Variants in NDST4 observed in about 807,000 individuals in gnomAD.
NDST4 encodes the protein N-heparan sulfate sulfotransferase 4.
Under a neutral mutation model 100.8 loss-of-function variants are expected in NDST4, and 63 were observed. The ratio of observed to expected loss-of-function variants is 0.62; its 90% CI spans 0.51 to 0.77. NDST4 has a LOEUF of 0.77. NDST4 is among the 30% of genes least tolerant of loss of function. The probability of loss-of-function intolerance (pLI) is 0.00; values close to 1 mark genes in which losing one functional copy is unlikely to be tolerated. For missense variants in NDST4, 943 were observed against 1,018.4 expected, an observed-to-expected ratio of 0.93 and a Z score of 1.01; for synonymous variants, 377 against 361.8, an observed-to-expected ratio of 1.04 and a Z score of -0.48.
intron 2 of NDST4, among the ~76,000 whole-genome samples, chr4:115,047,102 T>G (rs558558748): frequency 1.8e-4 from 28 of 152,134 alleles, no homozygotes; most frequent in Non-Finnish European, 3.7e-4. Flanking sequence ...AAATACGATT[T>G]TGTTTCAGAT....
chr4:115,108,236 G>A (rs927525821), intron 1 of NDST4, among the ~76,000 whole-genome samples: 1 of 151,964 alleles, frequency 6.6e-6, no homozygotes, highest in African/African-American at 2.4e-5. Context: ...AATCTTTAGT[G>A]ATGTTATATT....
intron 2 of NDST4, among the ~76,000 whole-genome samples, chr4:115,035,227 T>C (rs2126271692): frequency 1.3e-5 from 2 of 152,276 alleles, no homozygotes; most frequent in South Asian, 4.1e-4. Flanking sequence ...GACTTATGCA[T>C]TTCCGGTAGA....
intron 2 of NDST4, among the ~76,000 whole-genome samples, chr4:115,030,881 T>C (rs149967157): frequency 2.0e-4 from 30 of 152,194 alleles, no homozygotes; most frequent in Middle Eastern, 3.4e-3. Context: ...AATCTAGAAA[T>C]GGTAGTTAAT....
intron 2 of NDST4, among the ~76,000 whole-genome samples, chr4:115,037,272 T>C (rs1728253007): frequency 6.6e-6 from 1 of 152,028 alleles, no homozygotes; most frequent in Non-Finnish European, 1.5e-5. Context: ...GCAAGACAAG[T>C]CAAGGTAAAT....
At chr4:114,878,891 G>A (rs371303819) in intron 6 of NDST4, among the ~76,000 whole-genome samples, 15 of 151,798 alleles carry the variant, frequency 9.9e-5, no homozygotes, top group East Asian at 1.9e-4. Flanking sequence ...CTCTGCTATC[G>A]TCTGTATATA....
At chr4:115,084,303 G>C (rs1729365260) in intron 1 of NDST4, among the ~76,000 whole-genome samples, 1 of 152,144 alleles carries the variant, frequency 6.6e-6, no homozygotes, top group South Asian at 2.1e-4. Context: ...TTTCTAAGTG[G>C]CAAAGCATTC....
At chr4:115,078,474 T>A (rs979784355) in intron 1 of NDST4, among the ~76,000 whole-genome samples, 3 of 152,156 alleles carry the variant, frequency 2.0e-5, no homozygotes, top group Admixed American at 2.0e-4. Context: ...GAAAAGGTCA[T>A]TTTTTGTTAT....
At chr4:114,868,816 C>T (rs1187537829) in intron 7 of NDST4, among the ~76,000 whole-genome samples, 1 of 151,404 alleles carries the variant, frequency 6.6e-6, no homozygotes, top group African/African-American at 2.4e-5. Context: ...CTTATATAAA[C>T]AACAGCAATG....
At chr4:114,940,365 A>G (rs1299030803) in intron 4 of NDST4, among the ~76,000 whole-genome samples, 1 of 152,220 alleles carries the variant, frequency 6.6e-6, no homozygotes, top group African/African-American at 2.4e-5. Flanking sequence ...AATAAAATGT[A>G]TTTAGCACTA....
intron 2 of NDST4, among the ~76,000 whole-genome samples, chr4:115,065,638 TCTC>T (rs992833686): frequency 6.6e-6 from 1 of 152,010 alleles, no homozygotes; most frequent in Non-Finnish European, 1.5e-5. Flanking sequence ...ATTTAGTTGG[TCTC>T]CTCAAAACAA....
chr4:115,049,929 A>G (rs1728548628), intron 2 of NDST4, among the ~76,000 whole-genome samples: 1 of 152,138 alleles, frequency 6.6e-6, no homozygotes, highest in Non-Finnish European at 1.5e-5. Context: ...TTAGTTCATT[A>G]CCCTCCTTTT....
intron 7 of NDST4, among the ~76,000 whole-genome samples, chr4:114,868,941 A>G (rs937460964): frequency 4.9e-5 from 2 of 41,124 alleles, no homozygotes; most frequent in African/African-American, 1.7e-4. Context: ...CAGCACTTGC[A>G]AATTATATAT....
At chr4:114,933,855 A>G (rs1415166144) in intron 6 of NDST4, among the ~76,000 whole-genome samples, 1 of 152,226 alleles carries the variant, frequency 6.6e-6, no homozygotes, top group Non-Finnish European at 1.5e-5. Flanking sequence ...ATGAAAGATA[A>G]CAAAGTTGGC....
At chr4:115,051,079 T>A (rs523325) in intron 2 of NDST4, among the ~76,000 whole-genome samples, 28,071 of 151,954 alleles carry the variant, frequency 0.18, 3,164 homozygotes, top group East Asian at 0.45. Flanking sequence ...AAGATTTTAG[T>A]GAACTAGAAA....
rs750839318 is a variant in NDST4, at chr4:114,870,860, A to G, written c.1627T>C (p.Trp543Arg). Residue 543 changes from tryptophan (W) to arginine (R), a missense_variant, in exon 7 of 14, where the codon TGG becomes CGG. This residue lies in a region of NDST4 where 526 missense variants were observed against 634.1 expected (regional missense o/e 0.83). Coordinates refer to ENST00000264363, the MANE Select transcript of NDST4 (RefSeq NM_022569.3). ...AGAGTTTGCAATTTCAGGTTGGTCC[A>G]GCTCTGCACAAAGTTGACCAAGTTC... ...FVNLVNFVQS[W>R]TNLKLQTLPP... 1 of 1,613,164 alleles carries G rather than the reference A, an allele frequency of 6.2e-7. No individual in the cohort carries two copies. Among genetic ancestry groups the G allele is most frequent in the East Asian group, 2.2e-5 (1 of 44,862 alleles).
intron 6 of NDST4, among the ~76,000 whole-genome samples, chr4:114,907,417 TA>T (rs781190978): frequency 3.3e-5 from 5 of 152,264 alleles, no homozygotes; most frequent in Middle Eastern, 3.4e-3. Flanking sequence ...ACCTCTCTCA[TA>T]AGGTTGTGAA....
At chr4:115,061,185 T>C (rs1271534636) in intron 2 of NDST4, among the ~76,000 whole-genome samples, 1 of 152,082 alleles carries the variant, frequency 6.6e-6, no homozygotes, top group Admixed American at 6.6e-5. Context: ...GGAGTGTAAA[T>C]TAGTTCAACC....
intron 2 of NDST4, among the ~76,000 whole-genome samples, chr4:115,048,685 T>C (rs1728516584): frequency 6.6e-6 from 1 of 151,902 alleles, no homozygotes; most frequent in South Asian, 2.1e-4. Context: ...TGGCCCAGGA[T>C]GGAGAGCAGG....
At chr4:114,839,264 G>C in intron 11 of NDST4, 114 bp downstream of exon 11, 7 of 941,962 alleles carry the variant, frequency 7.4e-6, no homozygotes, top group Non-Finnish European at 1.1e-5. Context: ...CTGCTTGTCA[G>C]TGCAATACAA....
Sources: allele counts gnomAD v4.1 joint callset (sites outside exome capture counted in the v4.1 genomes callset), GRCh38; gene constraint gnomAD v4.1.1; regional missense constraint gnomAD v4.1.1; transcripts MANE v1.5; gene names NCBI Gene and HGNC (gene_info 2026-07-23, HGNC 2026-07-21).